DDX60: variants seen among roughly 807,000 people sequenced by gnomAD.
DDX60 encodes the protein DExD/H-box helicase 60.
Under a neutral mutation model 212.8 loss-of-function variants are expected in DDX60, and 165 were observed. The observed-to-expected ratio is 0.78, with a 90% CI of 0.68 to 0.88. The LOEUF is 0.88. Among genes scored for constraint, DDX60 ranks in the 40% least tolerant of loss-of-function variants. The pLI, the probability that DDX60 is intolerant of heterozygous loss-of-function variation, is 0.00. For synonymous variants in DDX60, 703 were observed against 685.3 expected, an observed-to-expected ratio of 1.03 and a Z score of -0.40; for missense variants, 1,905 against 2,003.9, an observed-to-expected ratio of 0.95 and a Z score of 0.94.
Position 168,253,667 on chromosome 4 carries a change from T to G in DDX60, c.3558-1011A>C, listed in dbSNP as rs1339109264. ...ATTCTAGCAGAAGCCACATTCTTGC[T>G]TTTCTTCACCTTCCCTTTCTTGCTT... is the stretch of plus-strand genomic sequence containing the variant. On this transcript the variant is annotated intron_variant, in intron 26 of 37. Transcript: ENST00000393743. Among the ~76,000 whole-genome samples, 6 of 137,028 alleles carry G rather than the reference T, an allele frequency of 4.4e-5. No individual in the cohort carries two copies. In the East Asian group the frequency reaches 1.2e-3, roughly 27 times the overall value. 89.9% of individuals were successfully genotyped at this position (137,028 alleles called of 152,430 possible).
intron 22 of DDX60, among the ~76,000 whole-genome samples, chr4:168,266,016 G>T (rs1418206036): frequency 2.0e-5 from 3 of 152,144 alleles, no homozygotes; most frequent in Non-Finnish European, 4.4e-5. Flanking sequence ...GGTTTATTTA[G>T]AATTTGGATT....
At chr4:168,250,867 A>G in intron 28 of DDX60, 87 bp downstream of exon 28, 1 of 1,185,198 alleles carries the variant, frequency 8.4e-7, no homozygotes. Context: ...AAAAAAGAAA[A>G]ATGGTGGTTG....
At chr4:168,278,436 A>C (rs184457825) in intron 14 of DDX60, among the ~76,000 whole-genome samples, 3 of 152,242 alleles carry the variant, frequency 2.0e-5, no homozygotes, top group East Asian at 1.9e-4. Flanking sequence ...GACTTCAACA[A>C]GGCATCCTCT....
chr4:168,280,380 T>C lies in DDX60; in HGVS notation c.1933A>G (p.Thr645Ala). The part of the protein sequence containing the change: ...VKLQVEMVGL[T>A]ACLKAWKEHC... ...TCTTTCCAGGCTTTCAAGCAAGCAGTTAACCCCACCATTTCAACCTGAAGT... is the reference window on the plus strand; with the variant it reads ...TCTTTCCAGGCTTTCAAGCAAGCAGCTAACCCCACCATTTCAACCTGAAGT... The change falls in exon 14 of 38, where the codon ACT becomes GCT. Residue 645 changes from threonine to alanine, a missense_variant. Coordinates refer to ENST00000393743, the MANE Select transcript of DDX60 (RefSeq NM_017631.6). 6.2e-7 allele frequency: 1 copy of C among 1,614,122 alleles called. No homozygotes were observed. Among genetic ancestry groups the C allele is most frequent in the South Asian group, 1.1e-5 (1 of 91,078 alleles).
chr4:168,233,808 G>C (rs1459499945), intron 33 of DDX60, among the ~76,000 whole-genome samples: 1 of 151,792 alleles, frequency 6.6e-6, no homozygotes, highest in African/African-American at 2.4e-5. Context: ...CACTACTAAA[G>C]AACTTATACA....
At chr4:168,234,310 C>T (rs933316994) in intron 33 of DDX60, among the ~76,000 whole-genome samples, 1 of 151,938 alleles carries the variant, frequency 6.6e-6, no homozygotes, top group African/African-American at 2.4e-5. Context: ...TTTTTCTCCA[C>T]CATTTTTTTT....
At chr4:168,305,105 A>T (rs1030474980) in intron 5 of DDX60, among the ~76,000 whole-genome samples, 3 of 152,226 alleles carry the variant, frequency 2.0e-5, no homozygotes, top group Admixed American at 1.3e-4. Flanking sequence ...TGTTACAATT[A>T]CCTAGAGTAC....
chr4:168,309,962 C>T (rs1209504552), intron 3 of DDX60, among the ~76,000 whole-genome samples: 1 of 152,082 alleles, frequency 6.6e-6, no homozygotes, highest in African/African-American at 2.4e-5. Flanking sequence ...GTAAAGCTGC[C>T]AACTCCTGAG....
chr4:168,261,353 T>C (rs1734615853), intron 24 of DDX60, among the ~76,000 whole-genome samples: 1 of 152,160 alleles, frequency 6.6e-6, no homozygotes, highest in African/African-American at 2.4e-5. Flanking sequence ...AAATATATTT[T>C]CAAGGTCTGT....
chr4:168,292,687 G>A (rs1299066179), intron 7 of DDX60, among the ~76,000 whole-genome samples: 6 of 152,116 alleles, frequency 3.9e-5, no homozygotes, highest in Admixed American at 2.6e-4. Context: ...GTGAGAACAC[G>A]GGTAAAGAAG....
intron 3 of DDX60, 96 bp from the exon 4 acceptor site, chr4:168,308,291 T>C (rs1488175997): frequency 1.4e-6 from 1 of 718,454 alleles, no homozygotes; most frequent in African/African-American, 1.8e-5. Flanking sequence ...TTATCATCAA[T>C]AGCTAAATTT....
chr4:168,248,235 CCA>C lies in DDX60; in HGVS notation c.3914_3915del (p.Val1305GlyfsTer15), dbSNP rs1393032762. 2 of 1,610,562 alleles carry C rather than the reference CCA, an allele frequency of 1.2e-6. No individual in the cohort carries two copies. The highest frequency in any genetic ancestry group is 8.5e-7 in the Non-Finnish European group (1 of 1,178,704). Reference sequence around the variant, plus strand: ...AGATAGACTGAGTTTTGAGCAAAAACCACAGATTTACAAGGCATGTTGACACC... The same window carrying C: ...AGATAGACTGAGTTTTGAGCAAAAACCAGATTTACAAGGCATGTTGACACC... ...ALGVNMPCKS[V>X]VFAQNSVYLD... On this transcript the variant is annotated frameshift_variant, in exon 29 of 38. Transcript: ENST00000393743. LOFTEE classifies it high-confidence loss of function.
intron 19 of DDX60, among the ~76,000 whole-genome samples, chr4:168,270,878 T>TC (rs921081627): frequency 3.5e-5 from 5 of 144,082 alleles, no homozygotes; most frequent in East Asian, 3.9e-4. Flanking sequence ...TTTCTTTCTT[T>TC]TTTTTTTTTT....
intron 19 of DDX60, among the ~76,000 whole-genome samples, chr4:168,270,031 G>C (rs768810598): frequency 3.9e-5 from 6 of 152,148 alleles, no homozygotes; most frequent in Admixed American, 3.9e-4. Flanking sequence ...TTGTACCAAC[G>C]TGGGCTGGCA....
At chr4:168,292,041 CTTTCTTTCT>C (rs1421755955) in intron 7 of DDX60, 135 bp from the exon 8 acceptor site, 90 of 426,974 alleles carry the variant, frequency 2.1e-4, no homozygotes, top group East Asian at 1.6e-3. Context: ...TTCTTTCTTT[CTTTCTTTCT>C]TTTTTTTTTT....
chr4:168,305,421 A>G (rs1736833895), intron 5 of DDX60, among the ~76,000 whole-genome samples: 4 of 152,180 alleles, frequency 2.6e-5, no homozygotes, highest in Admixed American at 2.6e-4. Flanking sequence ...ATTTTGATGA[A>G]TTAAAGAATG....
In DDX60 at chr4:168,283,597, C is replaced by G. The variant is rs768314621; in HGVS notation, c.1571G>C (p.Arg524Thr). Residue 524 changes from arginine to threonine, a missense_variant, in exon 13 of 38, where the codon AGA becomes ACA. Physicochemically the swap from Arg to Thr is moderately conservative, Grantham distance 71. Coordinates refer to ENST00000393743, the MANE Select transcript of DDX60 (RefSeq NM_017631.6). Reference protein sequence around the residue: ...RSRCQFDEKSRDPRVLRSVQK... With the variant: ...RSRCQFDEKSTDPRVLRSVQK... Reference sequence around the variant, plus strand: ...CACAGATCTAAGAACACGAGGGTCTCTAGATTTTTCTGAAAAAGAAAAGAC... The same window carrying G: ...CACAGATCTAAGAACACGAGGGTCTGTAGATTTTTCTGAAAAAGAAAAGAC... 17 of 1,591,358 alleles carry G rather than the reference C, an allele frequency of 1.1e-5. No individual in the cohort carries two copies. The highest frequency in any genetic ancestry group is 5.4e-5 in the Admixed American group (3 of 55,230).
At chr4:168,246,995 C>T (rs963877474) in intron 29 of DDX60, among the ~76,000 whole-genome samples, 2 of 152,204 alleles carry the variant, frequency 1.3e-5, no homozygotes, top group Non-Finnish European at 2.9e-5. Context: ...TTCCCCATCT[C>T]TCATCCCTTT....
Position 168,282,828 on chromosome 4 carries a change from A to T in DDX60, c.1722+618T>A. Among the ~76,000 whole-genome samples, 2 of 152,300 alleles carry T rather than the reference A, an allele frequency of 1.3e-5. 1 individual carries two copies. Among genetic ancestry groups the T allele is most frequent in the South Asian group, 4.1e-4 (2 of 4,830 alleles). On this transcript the variant is annotated intron_variant, in intron 13 of 37. Transcript: ENST00000393743. Reference sequence around the variant, plus strand: ...TTATCAACTGATAATTTTAGATCATAAACTATTAGTATTATTATTCCAGAA... The same window carrying T: ...TTATCAACTGATAATTTTAGATCATTAACTATTAGTATTATTATTCCAGAA...
Sources: allele counts gnomAD v4.1 joint callset (sites outside exome capture counted in the v4.1 genomes callset), GRCh38; gene constraint gnomAD v4.1.1; transcripts MANE v1.5; gene names NCBI Gene and HGNC (gene_info 2026-07-23, HGNC 2026-07-21).